Variants in COL27A1 observed in about 807,000 individuals in gnomAD.
COL27A1 encodes the protein collagen type XXVII alpha 1 chain.
Under a neutral mutation model 251.3 loss-of-function variants are expected in COL27A1, and 106 were observed. That is an observed-to-expected ratio of 0.42 (90% CI 0.36 to 0.50). The LOEUF (loss-of-function observed/expected upper bound fraction) is 0.50, where lower values mean the gene tolerates loss of function less well. COL27A1 is among the 20% of genes least tolerant of loss of function. COL27A1 has a pLI of 0.00. For missense variants in COL27A1, 2,325 were observed against 2,522.8 expected (o/e 0.92, Z 1.68); for synonymous variants, 1,000 against 986.3 (o/e 1.01, Z -0.26).
At chr9:114,212,881 A>G (rs1166160896) in intron 12 of COL27A1, among the ~76,000 whole-genome samples, 2 of 152,168 alleles carry the variant, frequency 1.3e-5, no homozygotes, top group African/African-American at 2.4e-5. Flanking sequence ...CTGGTTTCCC[A>G]TGGTTTAAGT....
intron 10 of COL27A1, 134 bp from the exon 11 acceptor site, chr9:114,209,541 G>A (rs368084312): frequency 1.3e-5 from 11 of 833,948 alleles, no homozygotes; most frequent in African/African-American, 5.0e-5. Context: ...AGGAGCCACC[G>A]GAGCTGCCAC....
chr9:114,268,921 A>G, intron 34 of COL27A1: 1 of 248,940 alleles, frequency 4.0e-6, no homozygotes, highest in Non-Finnish European at 7.6e-6. Context: ...GGGCGACAGA[A>G]TGAGACCCTG....
intron 16 of COL27A1, 49 bp from the exon 17 acceptor site, chr9:114,235,550 A>G: frequency 1.3e-6 from 2 of 1,488,730 alleles, no homozygotes; most frequent in Non-Finnish European, 1.9e-6. Context: ...GGAGGCTTCC[A>G]GAACCCACGT....
At chr9:114,306,057 A>C (rs915765835) in intron 57 of COL27A1, among the ~76,000 whole-genome samples, 1 of 151,962 alleles carries the variant, frequency 6.6e-6, no homozygotes, top group African/African-American at 2.4e-5. Flanking sequence ...TCCTCCCAGC[A>C]CTTGTGCCTG....
chr9:114,205,363 T>A (rs1361217364), intron 8 of COL27A1, among the ~76,000 whole-genome samples: 6 of 152,242 alleles, frequency 3.9e-5, no homozygotes, highest in Non-Finnish European at 5.9e-5. Flanking sequence ...GCCAGCCTGA[T>A]GTTGGCATGA....
At chr9:114,257,341 C>G (rs1209553748) in intron 27 of COL27A1, among the ~76,000 whole-genome samples, 2 of 149,340 alleles carry the variant, frequency 1.3e-5, no homozygotes, top group Non-Finnish European at 3.0e-5. Context: ...CTTGAGGTCT[C>G]TCAAGCTGGG....
chr9:114,193,427 G>A (rs140521630), intron 5 of COL27A1, among the ~76,000 whole-genome samples: 2,138 of 152,248 alleles, frequency 0.014, 54 homozygotes, highest in African/African-American at 0.049. Context: ...GCTTGCCTCT[G>A]ATGGGGGACT....
In COL27A1 at chr9:114,270,719, C is replaced by T. The variant is rs202138098; in HGVS notation, c.3556-9C>T. 3 of 1,608,104 alleles carry T rather than the reference C, an allele frequency of 1.9e-6. No homozygotes were observed. The highest frequency in any genetic ancestry group is 2.6e-6 in the Non-Finnish European group (3 of 1,175,850). ...ACATCTCCTCCTCTTTCTCCATCACCTTTTCCAGGGAGAGCCAGGCCTTGA... is the reference window on the plus strand; with the variant it reads ...ACATCTCCTCCTCTTTCTCCATCACTTTTTCCAGGGAGAGCCAGGCCTTGA... On this transcript the variant is annotated splice_polypyrimidine_tract_variant and intron_variant, in intron 35 of 60. Transcript: ENST00000356083.
rs181125601 is a variant in COL27A1 at position 114,167,175 on chromosome 9, A to G, written c.134-514A>G. Among the ~76,000 whole-genome samples, 3 of 152,274 alleles carry G rather than the reference A, an allele frequency of 2.0e-5. No homozygotes were observed. In the East Asian group the frequency reaches 5.8e-4, roughly 29 times the overall value. ...ATGGCTTTCCAGGTGGAGAAAAAGG[A>G]GTATAACGTGTCATTGTTGGGCAGC... On this transcript the variant is annotated intron_variant, in intron 2 of 60. Transcript: ENST00000356083.
chr9:114,258,922 G>A (rs1180419613), intron 28 of COL27A1, among the ~76,000 whole-genome samples: 1 of 152,244 alleles, frequency 6.6e-6, no homozygotes, highest in Non-Finnish European at 1.5e-5. Context: ...TACAGGTATA[G>A]TGGTGAACAG....
rs1347506073 is a variant in COL27A1, at chr9:114,292,197, C to G, written c.4571C>G (p.Ser1524Cys). The G allele has an allele frequency of 1.0e-5, 16 of 1,554,912 alleles. 1 individual carries two copies. In the South Asian group the frequency reaches 1.7e-4, roughly 16 times the overall value. ...GLPGNQGEPGSKGQPGDSGEM... is the reference protein window; with the variant it reads ...GLPGNQGEPGCKGQPGDSGEM... The stretch of plus-strand genomic sequence containing the variant: ...CCTGGAAACCAGGGGGAGCCTGGGT[C>G]CAAAGGCCAGCCGGTGAGTGAGCGC... Residue 1524 changes from serine (S) to cysteine (C), a missense_variant, in exon 49 of 61, where the codon TCC becomes TGC. Ser to Cys is a moderately radical substitution (Grantham distance 112). Transcript: ENST00000356083.
intron 2 of COL27A1, 79 bp downstream of exon 2, chr9:114,162,864 C>A: frequency 2.0e-6 from 2 of 995,766 alleles, no homozygotes; most frequent in Admixed American, 2.0e-5. Context: ...AGGAGACAGC[C>A]GTGCCTGTAA....
chr9:114,279,380 C>T (rs1412330565), intron 37 of COL27A1, among the ~76,000 whole-genome samples: 2 of 152,126 alleles, frequency 1.3e-5, no homozygotes, highest in Non-Finnish European at 2.9e-5. Flanking sequence ...GCACATGGCC[C>T]GTGGTGAGGG....
At chr9:114,171,072 T>C (rs544408628) in intron 3 of COL27A1, among the ~76,000 whole-genome samples, 288 of 152,328 alleles carry the variant, frequency 1.9e-3, no homozygotes, top group Middle Eastern at 6.8e-3. Flanking sequence ...GTCTGCTGTA[T>C]GTCTGAGTCA....
chr9:114,283,612 C>T, intron 39 of COL27A1, 97 bp from the exon 40 acceptor site: 1 of 1,118,798 alleles, frequency 8.9e-7, no homozygotes, highest in Non-Finnish European at 1.3e-6. Flanking sequence ...ATGTGCCAGG[C>T]TGCTGGGCGG....
Position 114,167,072 on chromosome 9 carries a change from A to G in COL27A1, c.134-617A>G, listed in dbSNP as rs151088324. Among the ~76,000 whole-genome samples, 225 of 152,246 alleles carry G rather than the reference A, an allele frequency of 1.5e-3. 2 individuals carry two copies. In the South Asian group the frequency reaches 0.026, roughly 18 times the overall value. ...TGGTGAAACCTGTCAGACCCCTAGG[A>G]CATCTTTACCAAGCTCTGGTGACAG... On this transcript the variant is annotated intron_variant, in intron 2 of 60. Transcript: ENST00000356083.
At chr9:114,248,026 G>A (rs56375544) in intron 24 of COL27A1, among the ~76,000 whole-genome samples, 2,406 of 152,256 alleles carry the variant, frequency 0.016, 69 homozygotes, top group African/African-American at 0.055. Flanking sequence ...AGGTATTACT[G>A]TCCTCATTTT....
chr9:114,266,567 C>T lies in COL27A1; in HGVS notation c.3396C>T (p.Gly1132=). 7 of 1,613,512 alleles carry T rather than the reference C, an allele frequency of 4.3e-6. No individual in the cohort carries two copies. The highest frequency in any genetic ancestry group is 5.9e-6 in the Non-Finnish European group (7 of 1,179,542). ...CTGTGTGTCTGTCTGTCTTCCAGGG[C>T]CCTCAGGGACCCCAGGGGCCAATTG... ...PGTKGLPGEP[G]PQGPQGPIGP... Residue 1132 remains glycine, a splice_region_variant and synonymous_variant, in exon 33 of 61, where the codon GGC becomes GGT. Transcript: ENST00000356083.
chr9:114,296,676 T>G (rs1339886930), intron 49 of COL27A1, among the ~76,000 whole-genome samples: 6 of 152,234 alleles, frequency 3.9e-5, no homozygotes, highest in Non-Finnish European at 8.8e-5. Context: ...ATATCCCTAT[T>G]GTATAATCAA....
Sources: gnomAD v4.1 joint callset for allele counts (sites outside exome capture counted in the v4.1 genomes callset) on GRCh38, gnomAD v4.1.1 for gene constraint, MANE v1.5 for transcripts, NCBI Gene and HGNC (gene_info 2026-07-23, HGNC 2026-07-21) for gene names.